The following SLC25A48 variants were observed in gnomAD, a reference collection of about 807,000 sequenced individuals.
The protein encoded by SLC25A48 is solute carrier family 25 member 48.
A neutral mutation model predicts 32.2 loss-of-function variants in SLC25A48; 29 were observed. That is an observed-to-expected ratio of 0.90 (90% CI 0.67 to 1.23). The LOEUF (loss-of-function observed/expected upper bound fraction) is 1.23. SLC25A48 is among the 50% of genes most tolerant of loss of function. The probability of loss-of-function intolerance (pLI) is 0.00; values close to 1 mark genes in which losing one functional copy is unlikely to be tolerated. For missense variants in SLC25A48, 399 were observed against 422.7 expected (o/e 0.94, Z 0.49); for synonymous variants, 164 against 172.3 (o/e 0.95, Z 0.38).
At chr5:135,764,399 C>T (rs756655893) in intron 3 of SLC25A48, among the ~76,000 whole-genome samples, 1 of 151,570 alleles carries the variant, frequency 6.6e-6, no homozygotes, top group Non-Finnish European at 1.5e-5. Flanking sequence ...GGGTGTACAG[C>T]CCCCTGTGAT....
Position 135,662,862 on chromosome 5 carries a change from A to G in SLC25A48, c.-521+27906A>G, listed in dbSNP as rs139256433. ...CCTCTATACATTCCAGGTGCATCCC[A>G]ATAATATCCACTAGGGCGGCTTCAG... On this transcript the variant is annotated intron_variant, in intron 3 of 10. Coordinates refer to the SLC25A48 transcript ENST00000646290. Among the ~76,000 whole-genome samples the G allele has an allele frequency of 3.3e-5, 5 of 152,180 alleles. No individual in the cohort carries two copies. In the East Asian group the frequency reaches 9.7e-4, roughly 29 times the overall value.
chr5:135,828,962 T>G (rs1758136659), intron 4 of SLC25A48, among the ~76,000 whole-genome samples: 1 of 152,232 alleles, frequency 6.6e-6, no homozygotes, highest in African/African-American at 2.4e-5. Context: ...GCTTGTCTTT[T>G]TAGTTCCAGC....
At chr5:135,637,966 T>G (rs556106427) in intron 3 of SLC25A48, among the ~76,000 whole-genome samples, 1 of 152,366 alleles carries the variant, frequency 6.6e-6, no homozygotes, top group African/African-American at 2.4e-5. Flanking sequence ...TCACCAATTT[T>G]AAGATATACT....
intron 7 of SLC25A48, among the ~76,000 whole-genome samples, chr5:135,886,994 G>A (rs1487111041): frequency 6.6e-6 from 1 of 151,904 alleles, no homozygotes; most frequent in African/African-American, 2.4e-5. Context: ...TTACCATACA[G>A]CAGCAGTCCT....
At chr5:135,740,130 T>A (rs1453109754) in intron 3 of SLC25A48, among the ~76,000 whole-genome samples, 3 of 152,158 alleles carry the variant, frequency 2.0e-5, no homozygotes, top group African/African-American at 4.8e-5. Flanking sequence ...AAGAGATTGC[T>A]AACAGAAGAA....
intron 3 of SLC25A48, among the ~76,000 whole-genome samples, chr5:135,642,968 G>A (rs1352671041): frequency 2.0e-5 from 3 of 152,198 alleles, no homozygotes; most frequent in Non-Finnish European, 1.5e-5. Context: ...CATAGGCTCT[G>A]AGGGAAAGGA....
At chr5:135,743,317 C>A (rs1177236179) in intron 3 of SLC25A48, among the ~76,000 whole-genome samples, 1 of 151,342 alleles carries the variant, frequency 6.6e-6, no homozygotes, top group African/African-American at 2.4e-5. Context: ...AGTGATCCAC[C>A]CGCCTCGGCC....
chr5:135,858,695 G>A (rs953216064), intron 4 of SLC25A48, among the ~76,000 whole-genome samples: 4 of 152,218 alleles, frequency 2.6e-5, no homozygotes, highest in Non-Finnish European at 4.4e-5. Flanking sequence ...AGAAGCTGAG[G>A]TTATGACAAC....
intron 7 of SLC25A48, among the ~76,000 whole-genome samples, chr5:135,887,742 C>A (rs1278987730): frequency 6.6e-6 from 1 of 151,466 alleles, no homozygotes; most frequent in East Asian, 1.9e-4. Context: ...GAGGCCTTCC[C>A]CTTGGGTTCC....
intron 3 of SLC25A48, among the ~76,000 whole-genome samples, chr5:135,636,474 T>A (rs962401789): frequency 1.3e-5 from 2 of 152,218 alleles, no homozygotes; most frequent in Non-Finnish European, 1.5e-5. Context: ...ATTGCTACAA[T>A]GTTTGTGGTT....
At chr5:135,608,884 A>G (rs1049034564) in intron 1 of SLC25A48, among the ~76,000 whole-genome samples, 1 of 152,158 alleles carries the variant, frequency 6.6e-6, no homozygotes, top group Non-Finnish European at 1.5e-5. Flanking sequence ...TCTTGGGGTG[A>G]CCTGGGACAT....
At chr5:135,627,164 C>T (rs374301785) in intron 1 of SLC25A48, among the ~76,000 whole-genome samples, 10 of 152,188 alleles carry the variant, frequency 6.6e-5, no homozygotes, top group African/African-American at 2.2e-4. Context: ...CTCTCTGCCC[C>T]ATGGGGTGGC....
At chr5:135,819,721 T>G (rs981287813) in intron 4 of SLC25A48, among the ~76,000 whole-genome samples, 1 of 152,214 alleles carries the variant, frequency 6.6e-6, no homozygotes, top group Non-Finnish European at 1.5e-5. Context: ...ATTGTACACT[T>G]TATGTAGCTA....
At position 135,614,035 on chromosome 5, in the gene SLC25A48, A is replaced by T. The variant is rs773715420; in HGVS notation, c.-848-15202A>T. 2.6e-5 allele frequency among the ~76,000 whole-genome samples: 4 copies of T among 152,260 alleles called. No homozygotes were observed. In the East Asian group the frequency reaches 5.8e-4, roughly 22 times the overall value. ...GAATCTGTAGATTGCTTTCGGCAGA[A>T]TGGTCATATTAATAATATTAATTCT... On this transcript the variant is annotated intron_variant, in intron 1 of 10. Transcript: ENST00000646290.
intron 6 of SLC25A48, among the ~76,000 whole-genome samples, chr5:135,874,473 G>C (rs1474204555): frequency 6.6e-6 from 1 of 152,222 alleles, no homozygotes; most frequent in Admixed American, 6.5e-5. Flanking sequence ...TTCTCATCAA[G>C]ATAGGTTGGG....
At chr5:135,604,969 A>T (rs1751899040) in intron 1 of SLC25A48, among the ~76,000 whole-genome samples, 1 of 152,220 alleles carries the variant, frequency 6.6e-6, no homozygotes, top group Non-Finnish European at 1.5e-5. Context: ...TGAAGCACTT[A>T]AAACAGTTTC....
chr5:135,653,491 C>A (rs1419194423), intron 3 of SLC25A48, among the ~76,000 whole-genome samples: 2 of 152,140 alleles, frequency 1.3e-5, no homozygotes, highest in African/African-American at 4.8e-5. Context: ...AGGTAAAGAC[C>A]CCAGTCTGCT....
chr5:135,810,721 T>G (rs1284209504), intron 3 of SLC25A48, among the ~76,000 whole-genome samples: 1 of 152,202 alleles, frequency 6.6e-6, no homozygotes, highest in Non-Finnish European at 1.5e-5. Context: ...CCTCTTGATA[T>G]TCTCATTCGA....
chr5:135,726,446 T>C (rs916881484), intron 3 of SLC25A48, among the ~76,000 whole-genome samples: 9 of 152,198 alleles, frequency 5.9e-5, no homozygotes, highest in Admixed American at 5.2e-4. Flanking sequence ...ATGTTGCCCT[T>C]TTTGGCCTCA....
Sources: allele counts gnomAD v4.1 joint callset (sites outside exome capture counted in the v4.1 genomes callset), GRCh38; gene constraint gnomAD v4.1.1; transcripts MANE v1.5; gene names NCBI Gene and HGNC (gene_info 2026-07-23, HGNC 2026-07-21).